MOGAT1: variants seen among roughly 807,000 people sequenced by gnomAD.
MOGAT1 encodes the protein 2-acylglycerol O-acyltransferase 1.
In MOGAT1, 32 loss-of-function variants were observed where a neutral mutation model predicts 31.4. That is an observed-to-expected ratio of 1.02 (90% confidence interval 0.77 to 1.37). The LOEUF is 1.37. MOGAT1 is among the 40% of genes most tolerant of loss of function. The pLI is 0.00. For synonymous variants in MOGAT1, 145 were observed against 144.5 expected (o/e 1.00, Z -0.03); for missense variants, 426 against 402.0 (o/e 1.06, Z -0.51).
chr2:222,675,246 T>A (rs980838307), intron 1 of MOGAT1, among the ~76,000 whole-genome samples: 2 of 152,192 alleles, frequency 1.3e-5, no homozygotes, highest in African/African-American at 4.8e-5. Context: ...GATGAAACCT[T>A]CTGGGCAAGA....
chr2:222,683,358 G>A (rs1692612043), intron 1 of MOGAT1, among the ~76,000 whole-genome samples: 1 of 151,554 alleles, frequency 6.6e-6, no homozygotes, highest in Non-Finnish European at 1.5e-5. Context: ...GTACAACATT[G>A]TGAATTAAAT....
At chr2:222,674,810 G>A (rs977032329) in intron 1 of MOGAT1, among the ~76,000 whole-genome samples, 1 of 152,064 alleles carries the variant, frequency 6.6e-6, no homozygotes, top group South Asian at 2.1e-4. Context: ...ATCCTAAATT[G>A]TACCAAAACT....
chr2:222,702,276 G>A (rs1692940260), intron 5 of MOGAT1, among the ~76,000 whole-genome samples: 1 of 152,142 alleles, frequency 6.6e-6, no homozygotes, highest in South Asian at 2.1e-4. Context: ...GTAGATTGAT[G>A]GGAAAACAAC....
At chr2:222,707,371 G>T (rs865963084) in intron 5 of MOGAT1, among the ~76,000 whole-genome samples, 12 of 141,568 alleles carry the variant, frequency 8.5e-5, no homozygotes, top group African/African-American at 2.9e-4. Flanking sequence ...GAGAAAGAAA[G>T]AGAAAGAAAG....
intron 5 of MOGAT1, among the ~76,000 whole-genome samples, chr2:222,706,507 T>C (rs1470949327): frequency 7.5e-6 from 1 of 133,148 alleles, no homozygotes; most frequent in Non-Finnish European, 1.6e-5. Flanking sequence ...TATGTGAGCA[T>C]GCTTAAGCTC....
At chr2:222,705,154 G>T (rs886482584) in intron 5 of MOGAT1, among the ~76,000 whole-genome samples, 6 of 152,160 alleles carry the variant, frequency 3.9e-5, no homozygotes, top group African/African-American at 1.4e-4. Flanking sequence ...TTTGTAAACT[G>T]CCATGGAACT....
intron 5 of MOGAT1, among the ~76,000 whole-genome samples, chr2:222,708,862 C>G (rs1348212526): frequency 6.6e-6 from 1 of 152,070 alleles, no homozygotes; most frequent in Non-Finnish European, 1.5e-5. Flanking sequence ...TTAAAAATTT[C>G]TGCCTAGGAT....
rs552610230 is a variant in MOGAT1, at chr2:222,702,896, TA to T, written c.854-6833del. Among the ~76,000 whole-genome samples, 1,064 of 151,936 alleles carry T rather than the reference TA, an allele frequency of 7.0e-3. 15 individuals are homozygous for T. Among genetic ancestry groups the T allele is most frequent in the African/African-American group, 0.024 (995 of 41,488 alleles). ...AGTAAGGGATTTCGTAAAATATTTTTAAAAAAATAAAGAAAGGGAAACTTAA... is the reference window on the plus strand; with the variant it reads ...AGTAAGGGATTTCGTAAAATATTTTTAAAAAATAAAGAAAGGGAAACTTAA... On this transcript the variant is annotated intron_variant, in intron 5 of 5. Transcript: ENST00000446656.
intron 5 of MOGAT1, among the ~76,000 whole-genome samples, chr2:222,704,399 T>C (rs1010469777): frequency 2.0e-5 from 3 of 151,282 alleles, no homozygotes; most frequent in Non-Finnish European, 4.4e-5. Flanking sequence ...CTGAGGCGGG[T>C]AGATCACGAG....
At chr2:222,701,977 C>A (rs1221208281) in intron 5 of MOGAT1, among the ~76,000 whole-genome samples, 5 of 152,174 alleles carry the variant, frequency 3.3e-5, no homozygotes. Flanking sequence ...GATTAAATGT[C>A]ATGATACATG....
chr2:222,695,128 A>G lies in MOGAT1; in HGVS notation c.693A>G (p.Glu231=), dbSNP rs762096491. ...CAGTGGTTTCTTTTGGTGAAAATGA[A>G]CTGTTTAAACAAACTGACAACCCTG... is the stretch of plus-strand genomic sequence containing the variant. ...LVPVVSFGEN[E]LFKQTDNPEG... is the part of the protein sequence containing the mutation. Residue 231 remains glutamate (E), a synonymous_variant, in exon 5 of 6, where the codon GAA becomes GAG. Transcript: ENST00000446656. 6.2e-7 allele frequency: 1 copy of G among 1,607,652 alleles called. No homozygotes were observed. Among genetic ancestry groups the G allele is most frequent in the South Asian group, 1.1e-5 (1 of 89,710 alleles).
intron 1 of MOGAT1, chr2:222,678,093 A>G: frequency 4.7e-6 from 1 of 211,538 alleles, no homozygotes. Flanking sequence ...TTTATCTAAA[A>G]TATCTAGCCA....
chr2:222,708,148 A>G (rs559177248), intron 5 of MOGAT1, among the ~76,000 whole-genome samples: 40 of 152,268 alleles, frequency 2.6e-4, no homozygotes, highest in Admixed American at 2.0e-3. Context: ...CAGTGGCGCA[A>G]TCCGGTCTTA....
intron 5 of MOGAT1, among the ~76,000 whole-genome samples, chr2:222,705,330 C>A (rs1692989808): frequency 6.6e-6 from 1 of 152,300 alleles, no homozygotes; most frequent in South Asian, 2.1e-4. Context: ...ATGCCTTAAC[C>A]ATCTGGGAAT....
At chr2:222,706,801 C>T (rs564530966) in intron 5 of MOGAT1, among the ~76,000 whole-genome samples, 27 of 152,346 alleles carry the variant, frequency 1.8e-4, no homozygotes, top group African/African-American at 6.0e-4. Context: ...CTTAGATTTA[C>T]ATGTAGATTT....
chr2:222,672,582 T>C (rs1326880195), intron 1 of MOGAT1, among the ~76,000 whole-genome samples: 1 of 152,114 alleles, frequency 6.6e-6, no homozygotes, highest in East Asian at 1.9e-4. Flanking sequence ...TTTTCCTTCA[T>C]ATTTGTTCTG....
At chr2:222,702,236 T>C (rs972703421) in intron 5 of MOGAT1, among the ~76,000 whole-genome samples, 2 of 151,630 alleles carry the variant, frequency 1.3e-5, no homozygotes, top group African/African-American at 4.8e-5. Context: ...AGGGAGGGGG[T>C]CCTCAGAGAC....
chr2:222,693,079 T>G (rs964797789), intron 3 of MOGAT1, among the ~76,000 whole-genome samples: 14 of 152,344 alleles, frequency 9.2e-5, no homozygotes, highest in African/African-American at 3.1e-4. Flanking sequence ...TAGCATATCA[T>G]TTTCTTCAAG....
At position 222,702,191 on chromosome 2, in the gene MOGAT1, G is replaced by A. The variant is rs116794327; in HGVS notation, c.853+6903G>A. Among the ~76,000 whole-genome samples the A allele has an allele frequency of 1.3e-3, 192 of 152,268 alleles. 1 individual carries two copies. The highest frequency in any genetic ancestry group is 0.01 in the Middle Eastern group (3 of 294). On this transcript the variant is annotated intron_variant, in intron 5 of 5. Transcript: ENST00000446656. ...GACATTGTACAGAACAACTGGCCTG[G>A]ACTCTTTAAAAATATCAGTGTCATA...
Sources: gnomAD v4.1 joint callset for allele counts (sites outside exome capture counted in the v4.1 genomes callset) on GRCh38, gnomAD v4.1.1 for gene constraint, MANE v1.5 for transcripts, NCBI Gene and HGNC (gene_info 2026-07-23, HGNC 2026-07-21) for gene names.